NAV3: variants seen among roughly 807,000 people sequenced by gnomAD.
NAV3 encodes pore membrane and/or filament interacting like protein 1.
NAV3 carries 87 observed loss-of-function variants against 244.7 expected under a neutral mutation model. That is an observed-to-expected ratio of 0.36 (90% confidence interval 0.30 to 0.42). The LOEUF is 0.42. NAV3 is among the 20% of genes least tolerant of loss of function. The pLI is 1.00. For missense variants in NAV3, 2,663 were observed against 2,893.3 expected, an observed-to-expected ratio of 0.92 and a Z score of 1.83; for synonymous variants, 1,126 against 1,042.2, an observed-to-expected ratio of 1.08 and a Z score of -1.55.
chr12:77,809,181 C>G (rs190587259), intron 2 of NAV3, among the ~76,000 whole-genome samples: 1 of 152,310 alleles, frequency 6.6e-6, no homozygotes, highest in East Asian at 1.9e-4. Flanking sequence ...GGGGATTGAA[C>G]TGTTCTGTCT....
intron 2 of NAV3, among the ~76,000 whole-genome samples, chr12:77,656,385 A>T (rs1873105185): frequency 7.9e-6 from 1 of 125,900 alleles, no homozygotes; most frequent in Non-Finnish European, 1.6e-5. Context: ...TGGTAAAGGG[A>T]TCAATTCAAC....
At chr12:77,955,784 C>A (rs776326487) in intron 3 of NAV3, among the ~76,000 whole-genome samples, 1 of 152,044 alleles carries the variant, frequency 6.6e-6, no homozygotes, top group African/African-American at 2.4e-5. Flanking sequence ...GCAGGAGGAT[C>A]GTTTGAGCCC....
chr12:77,998,550 G>C, intron 7 of NAV3, 74 bp downstream of exon 7: 7 of 1,455,436 alleles, frequency 4.8e-6, no homozygotes, highest in Non-Finnish European at 6.4e-6. Flanking sequence ...TCTAATATTT[G>C]AGCAGCGTAA....
At chr12:77,700,883 A>AT (rs1875529283) in intron 2 of NAV3, among the ~76,000 whole-genome samples, 1 of 151,686 alleles carries the variant, frequency 6.6e-6, no homozygotes, top group Non-Finnish European at 1.5e-5. Flanking sequence ...TATTCCTGTA[A>AT]TAAACCCAAT....
At chr12:77,783,292 C>T (rs1209644163) in intron 2 of NAV3, 2 of 152,088 alleles carry the variant, frequency 1.3e-5, no homozygotes, top group Non-Finnish European at 2.9e-5. Context: ...AGATGGAGTA[C>T]ATGGAGACCA....
intron 17 of NAV3, among the ~76,000 whole-genome samples, chr12:78,128,276 A>AAC (rs1565693051): frequency 1.3e-5 from 2 of 151,548 alleles, no homozygotes; most frequent in East Asian, 1.9e-4. Context: ...TTAAAAAAAA[A>AAC]AAAAAACAAA....
intron 2 of NAV3, among the ~76,000 whole-genome samples, chr12:77,728,654 G>T (rs1329011538): frequency 1.3e-5 from 2 of 151,890 alleles, no homozygotes; most frequent in South Asian, 4.1e-4. Flanking sequence ...AGTAGACAGA[G>T]TATCATTTAG....
chr12:78,144,827 A>G (rs1956784606), intron 20 of NAV3, among the ~76,000 whole-genome samples: 1 of 150,762 alleles, frequency 6.6e-6, no homozygotes, highest in South Asian at 2.1e-4. Flanking sequence ...AACTGGCAAA[A>G]AATGTAAAAA....
chr12:77,732,292 G>A (rs1877157202), intron 2 of NAV3, among the ~76,000 whole-genome samples: 1 of 151,840 alleles, frequency 6.6e-6, no homozygotes, highest in African/African-American at 2.4e-5. Flanking sequence ...AACAGATGAG[G>A]AGGGACTTAA....
chr12:77,628,250 T>C (rs1046376425), intron 2 of NAV3, among the ~76,000 whole-genome samples: 2 of 152,236 alleles, frequency 1.3e-5, no homozygotes, highest in African/African-American at 4.8e-5. Flanking sequence ...TATTAAAATA[T>C]CACATGTACT....
At chr12:78,005,755 T>C (rs1243465005) in intron 7 of NAV3, among the ~76,000 whole-genome samples, 1 of 152,218 alleles carries the variant, frequency 6.6e-6, no homozygotes, top group Non-Finnish European at 1.5e-5. Context: ...CTCTGGTTTC[T>C]ACAAATGGGA....
At chr12:77,997,113 C>T (rs1323865459) in intron 6 of NAV3, among the ~76,000 whole-genome samples, 2 of 151,778 alleles carry the variant, frequency 1.3e-5, no homozygotes, top group Non-Finnish European at 2.9e-5. Flanking sequence ...ATAGCAAGTG[C>T]CTGTAATTGT....
chr12:77,755,057 T>C (rs1284662657), intron 2 of NAV3, among the ~76,000 whole-genome samples: 1 of 152,158 alleles, frequency 6.6e-6, no homozygotes, highest in African/African-American at 2.4e-5. Context: ...ACCTGAATAA[T>C]TTAATTTTCC....
chr12:78,170,143 A>G (rs1010676955), intron 24 of NAV3, among the ~76,000 whole-genome samples: 4 of 151,584 alleles, frequency 2.6e-5, no homozygotes, highest in African/African-American at 7.3e-5. Flanking sequence ...CCAAGAGAGA[A>G]CTCCACGTGG....
chr12:77,739,919 A>G (rs1252594491), intron 2 of NAV3, among the ~76,000 whole-genome samples: 4 of 152,188 alleles, frequency 2.6e-5, no homozygotes, highest in African/African-American at 4.8e-5. Flanking sequence ...AATGACTCAC[A>G]CAGTAATTTT....
At chr12:77,884,030 A>G (rs1233227088) in intron 1 of NAV3, among the ~76,000 whole-genome samples, 7 of 152,188 alleles carry the variant, frequency 4.6e-5, no homozygotes, top group African/African-American at 1.4e-4. Context: ...GCACCCAACT[A>G]TAGCTTTGAT....
At chr12:77,685,281 AGC>A (rs574949700) in intron 2 of NAV3, among the ~76,000 whole-genome samples, 4 of 152,204 alleles carry the variant, frequency 2.6e-5, no homozygotes, top group Non-Finnish European at 4.4e-5. Flanking sequence ...AAATTTGCTA[AGC>A]GCCTTGGAGC....
chr12:77,883,280 T>C (rs1287719998), intron 1 of NAV3, among the ~76,000 whole-genome samples: 4 of 152,128 alleles, frequency 2.6e-5, no homozygotes, highest in Non-Finnish European at 5.9e-5. Flanking sequence ...AACAAAATCA[T>C]GTCCTTTGCA....
intron 12 of NAV3, among the ~76,000 whole-genome samples, chr12:78,108,736 A>G (rs1013491323): frequency 2.6e-5 from 4 of 152,164 alleles, no homozygotes; most frequent in African/African-American, 9.6e-5. Flanking sequence ...ATTAAGCTGA[A>G]AATCAAAAAA....
Sources: gnomAD v4.1 joint callset for allele counts (sites outside exome capture counted in the v4.1 genomes callset) on GRCh38, gnomAD v4.1.1 for gene constraint, MANE v1.5 for transcripts, NCBI Gene and HGNC (gene_info 2026-07-23, HGNC 2026-07-21) for gene names.